The following TMEM132B variants were observed in gnomAD, a reference collection of about 807,000 sequenced individuals.
TMEM132B encodes transmembrane protein 132B.
Under a neutral mutation model 90.8 loss-of-function variants are expected in TMEM132B, and 18 were observed. That is an observed-to-expected ratio of 0.20 (90% CI 0.14 to 0.29). The LOEUF (loss-of-function observed/expected upper bound fraction) is 0.29, where lower values mean the gene tolerates loss of function less well. TMEM132B is among the 10% of genes least tolerant of loss of function. TMEM132B has a pLI of 1.00. For synonymous variants in TMEM132B, 504 were observed against 523.3 expected (o/e 0.96, Z 0.50); for missense variants, 1,096 against 1,326.8 (o/e 0.83, Z 2.70).
chr12:125,563,188 A>G (rs1399898286), intron 4 of TMEM132B, among the ~76,000 whole-genome samples: 2 of 149,948 alleles, frequency 1.3e-5, no homozygotes, highest in Admixed American at 6.7e-5. Context: ...TAATAATAAT[A>G]AAAGTTTGAA....
chr12:125,640,177 C>T (rs1886593634), intron 5 of TMEM132B, among the ~76,000 whole-genome samples: 1 of 152,242 alleles, frequency 6.6e-6, no homozygotes, highest in African/African-American at 2.4e-5. Context: ...AGCCTTCTCA[C>T]AGCTCACTGG....
intron 1 of TMEM132B, among the ~76,000 whole-genome samples, chr12:125,204,218 A>G (rs1033439797): frequency 2.0e-5 from 3 of 149,266 alleles, no homozygotes; most frequent in African/African-American, 7.4e-5. Flanking sequence ...GGAGTATCTC[A>G]TGAATCCTTT....
At chr12:125,511,024 A>G (rs750547533) in intron 3 of TMEM132B, among the ~76,000 whole-genome samples, 3 of 152,046 alleles carry the variant, frequency 2.0e-5, no homozygotes, top group Non-Finnish European at 4.4e-5. Context: ...TTTTTGTCAC[A>G]CTCAAAGAAA....
rs1566087884 is a variant in TMEM132B at position 125,607,606 on chromosome 12, C to A, written c.1437+23612C>A. Among the ~76,000 whole-genome samples the A allele has an allele frequency of 3.3e-5, 5 of 152,232 alleles. No homozygotes were observed. The South Asian group carries it at 8.3e-4, about 25-fold the overall frequency. ...ATTTAGTTTAACACTCATAACAGTA[C>A]AAAATTAGCATATAAAATATGGACT... On this transcript the variant is annotated intron_variant, in intron 5 of 8. Transcript: ENST00000682704.
intron 3 of TMEM132B, among the ~76,000 whole-genome samples, chr12:125,484,548 C>G (rs1277856844): frequency 6.6e-6 from 1 of 152,142 alleles, no homozygotes; most frequent in Non-Finnish European, 1.5e-5. Flanking sequence ...CATTGTATCT[C>G]TGGAACTGGT....
chr12:125,393,856 G>C (rs1006312246), intron 2 of TMEM132B, among the ~76,000 whole-genome samples: 6 of 152,206 alleles, frequency 3.9e-5, no homozygotes, highest in Non-Finnish European at 8.8e-5. Flanking sequence ...GAAGAAGCTG[G>C]GGATAGGAAT....
At chr12:125,373,628 T>C (rs1878375102) in intron 2 of TMEM132B, among the ~76,000 whole-genome samples, 1 of 152,132 alleles carries the variant, frequency 6.6e-6, no homozygotes, top group South Asian at 2.1e-4. Context: ...CGTTACAAAG[T>C]ACCATTGTAG....
At chr12:125,607,411 A>G (rs1885724511) in intron 5 of TMEM132B, among the ~76,000 whole-genome samples, 1 of 152,218 alleles carries the variant, frequency 6.6e-6, no homozygotes, top group South Asian at 2.1e-4. Flanking sequence ...AGTTTGCTTT[A>G]TCTGAACCTA....
At position 125,306,259 on chromosome 12, in the gene TMEM132B, G is replaced by A. The variant is rs115304413; in HGVS notation, c.68-43193G>A. On this transcript the variant is annotated intron_variant, in intron 1 of 8. Transcript: ENST00000682704. ...ATAAATCTAAATTAAAAAATATTAT[G>A]CAGGCTTAACACAACACACCTGCCG... Among the ~76,000 whole-genome samples the A allele has an allele frequency of 8.1e-3, 1,241 of 152,310 alleles. 22 individuals are homozygous for A. Among genetic ancestry groups the A allele is most frequent in the African/African-American group, 0.028 (1,184 of 41,570 alleles).
At chr12:125,544,339 TA>T (rs1011718357) in intron 4 of TMEM132B, among the ~76,000 whole-genome samples, 7 of 152,072 alleles carry the variant, frequency 4.6e-5, no homozygotes, top group Admixed American at 1.3e-4. Context: ...CCCCGGAACT[TA>T]AAAAAAACTT....
At chr12:125,481,486 T>G (rs1882041415) in intron 3 of TMEM132B, among the ~76,000 whole-genome samples, 2 of 152,124 alleles carry the variant, frequency 1.3e-5, no homozygotes, top group South Asian at 2.1e-4. Flanking sequence ...AAATCATGAG[T>G]GAACTCCCAT....
chr12:125,408,927 GACTTTTGT>G lies in TMEM132B; in HGVS notation c.960-6600_960-6593del. On this transcript the variant is annotated intron_variant, in intron 2 of 8. Transcript: ENST00000682704. The surrounding 1 kb of genome is among the most constrained non-coding windows in gnomAD (Gnocchi z 5.9). ...AGCCATTCTGCTGAGTAAGTGTTTT[GACTTTTGT>G]ACTGCACAAGGGGATACACCAGAGT... is the stretch of plus-strand genomic sequence containing the variant. Among the ~76,000 whole-genome samples the G allele has an allele frequency of 6.6e-6, 1 of 152,190 alleles. No individual in the cohort carries two copies. Among genetic ancestry groups the G allele is most frequent in the East Asian group, 1.9e-4 (1 of 5,186 alleles).
intron 1 of TMEM132B, among the ~76,000 whole-genome samples, chr12:125,244,342 C>A (rs530703272): frequency 1.3e-5 from 2 of 152,260 alleles, no homozygotes; most frequent in African/African-American, 4.8e-5. Context: ...AGGCTCAGTG[C>A]TTCTGGAGTG....
rs1878998888 is a variant in TMEM132B, at chr12:125,391,042, TGTG to T, written c.960-24488_960-24486del. ...TTAAAACAGATTTACTAAAGAATAG[TGTG>T]TGTGTGTGTGTGTGTGTGTGTGTGT... is the stretch of plus-strand genomic sequence containing the variant. On this transcript the variant is annotated intron_variant, in intron 2 of 8. Coordinates refer to ENST00000682704, the MANE Select transcript of TMEM132B (RefSeq NM_001366854.1). 1.6e-3 allele frequency among the ~76,000 whole-genome samples: 9 copies of T among 5,582 alleles called. No homozygotes were observed. In the East Asian group the frequency reaches 0.25, roughly 155 times the overall value. The allele number at this position is 5,582 out of a possible 152,430, so 3.7% of individuals were successfully genotyped here.
intron 1 of TMEM132B, among the ~76,000 whole-genome samples, chr12:125,296,046 A>G (rs1392173617): frequency 6.6e-6 from 1 of 152,204 alleles, no homozygotes; most frequent in Non-Finnish European, 1.5e-5. Context: ...TTGAGTTTGT[A>G]CTATACATTC....
At chr12:125,531,375 G>C (rs1341296708) in intron 4 of TMEM132B, among the ~76,000 whole-genome samples, 1 of 152,078 alleles carries the variant, frequency 6.6e-6, no homozygotes, top group Admixed American at 6.6e-5. Flanking sequence ...TTTTTGTAGA[G>C]ACAAAGTCTC....
At position 125,650,902 on chromosome 12, in the gene TMEM132B, A is replaced by G. The variant is rs375093445; in HGVS notation, c.1863A>G (p.Leu621=). Reference sequence around the variant, plus strand: ...TGGAGGAGCCGAAAATCGCTCAGTTACAGGACGGCAGGACCCTGGCTGGTC... The same window carrying G: ...TGGAGGAGCCGAAAATCGCTCAGTTGCAGGACGGCAGGACCCTGGCTGGTC... ...MKVEEPKIAQ[L]QDGRTLAGRE... The change falls in exon 7 of 9, where the codon TTA becomes TTG. Residue 621 remains leucine, a synonymous_variant. Coordinates refer to ENST00000682704, the MANE Select transcript of TMEM132B (RefSeq NM_001366854.1). 30 of 1,613,490 alleles carry G rather than the reference A, an allele frequency of 1.9e-5. No individual in the cohort carries two copies. In the African/African-American group the frequency reaches 2.8e-4, roughly 15 times the overall value.
chr12:125,311,351 A>T (rs1170458153), intron 1 of TMEM132B, among the ~76,000 whole-genome samples: 1 of 152,212 alleles, frequency 6.6e-6, no homozygotes, highest in African/African-American at 2.4e-5. Flanking sequence ...TTGGGATTTC[A>T]ATTAATTTAA....
At position 125,459,826 on chromosome 12, in the gene TMEM132B, A is replaced by G. The variant is rs1231404315; in HGVS notation, c.1106+44149A>G. Among the ~76,000 whole-genome samples, 6 of 152,176 alleles carry G rather than the reference A, an allele frequency of 3.9e-5. No individual in the cohort carries two copies. The highest frequency in any genetic ancestry group is 1.4e-4 in the African/African-American group (6 of 41,456). On this transcript the variant is annotated intron_variant, in intron 3 of 8. Coordinates refer to ENST00000682704, the MANE Select transcript of TMEM132B (RefSeq NM_001366854.1). This position sits in a 1 kb window ranked among gnomAD's most constrained non-coding sequence, Gnocchi z 4.1. ...GGACCTGGTGGGAGATAATTGAATCATGGGAGCAGTTTCCCCCATACTGTT... is the reference window on the plus strand; with the variant it reads ...GGACCTGGTGGGAGATAATTGAATCGTGGGAGCAGTTTCCCCCATACTGTT...
Sources: gnomAD v4.1 joint callset for allele counts (sites outside exome capture counted in the v4.1 genomes callset) on GRCh38, gnomAD v4.1.1 for gene constraint, Gnocchi (gnomAD v3.1) non-coding constraint, MANE v1.5 for transcripts, NCBI Gene and HGNC (gene_info 2026-07-23, HGNC 2026-07-21) for gene names.